FBXW7: variants seen among roughly 807,000 people sequenced by gnomAD.
FBXW7 encodes the protein F-box/WD repeat-containing protein 7.
Under a neutral mutation model 86.3 loss-of-function variants are expected in FBXW7, and 11 were observed. The ratio of observed to expected loss-of-function variants is 0.13; its 90% CI spans 0.08 to 0.21. The LOEUF is 0.21. Ranked by LOEUF, FBXW7 falls within the 10% of genes least tolerant of loss-of-function variation. The pLI is 1.00. For synonymous variants in FBXW7, 313 were observed against 297.9 expected (o/e 1.05, Z -0.52); for missense variants, 488 against 847.4 (o/e 0.58, Z 5.27).
intron 2 of FBXW7, among the ~76,000 whole-genome samples, chr4:152,413,948 T>C (rs1261127410): frequency 6.6e-6 from 1 of 152,128 alleles, no homozygotes; most frequent in Non-Finnish European, 1.5e-5. Flanking sequence ...CAAATACAGT[T>C]GATTCCCATT....
rs200807663 is a variant in FBXW7, at chr4:152,382,324, C to T, written c.501+28979G>A. On this transcript the variant is annotated intron_variant, in intron 4 of 13. Coordinates refer to ENST00000281708, the MANE Select transcript of FBXW7 (RefSeq NM_001349798.2). ...AGCCATGGTTTAGAGTAGGTTTTCC[C>T]GGTTTTGACATTTTAAAACTCCTCT... is the stretch of plus-strand genomic sequence containing the variant. The T allele has an allele frequency of 2.9e-5, 45 of 1,571,876 alleles. No homozygotes were observed. Among genetic ancestry groups the T allele is most frequent in the South Asian group, 8.6e-5 (7 of 81,356 alleles).
chr4:152,340,652 A>C (rs1383873436), intron 6 of FBXW7, among the ~76,000 whole-genome samples: 3 of 151,482 alleles, frequency 2.0e-5, no homozygotes, highest in Admixed American at 6.6e-5. Context: ...GTTTCCACTG[A>C]CTACACATAT....
intron 4 of FBXW7, among the ~76,000 whole-genome samples, chr4:152,377,673 G>T (rs1400546670): frequency 1.3e-5 from 2 of 150,700 alleles, no homozygotes; most frequent in East Asian, 3.9e-4. Context: ...GCTGCGGCAG[G>T]ATAATCGCTT....
chr4:152,472,327 C>CA (rs1448184565), intron 2 of FBXW7, among the ~76,000 whole-genome samples: 3 of 151,866 alleles, frequency 2.0e-5, no homozygotes, highest in Non-Finnish European at 1.5e-5. Flanking sequence ...CATATATGCA[C>CA]AAAAAAATAT....
At chr4:152,353,007 C>G (rs1447633574) in intron 4 of FBXW7, 1 of 1,231,268 alleles carries the variant, frequency 8.1e-7, no homozygotes, top group Non-Finnish European at 1.0e-6. Flanking sequence ...GAGACCGCCC[C>G]CACACGACAG....
chr4:152,517,268 G>C (rs1262605645), intron 2 of FBXW7, among the ~76,000 whole-genome samples: 1 of 151,928 alleles, frequency 6.6e-6, no homozygotes, highest in African/African-American at 2.4e-5. Flanking sequence ...CATTATTGGA[G>C]GCAATCATCC....
chr4:152,329,563 C>CA (rs150608863), intron 10 of FBXW7, 109 bp downstream of exon 10: 7,893 of 541,232 alleles, frequency 0.015, 90 homozygotes, highest in Middle Eastern at 0.025. Flanking sequence ...ATTTGCTATC[C>CA]AAATAACTAA....
At chr4:152,412,303 T>C (rs912662897) in intron 3 of FBXW7, among the ~76,000 whole-genome samples, 177 bp downstream of exon 3, 6 of 152,096 alleles carry the variant, frequency 3.9e-5, no homozygotes, top group East Asian at 3.8e-4. Flanking sequence ...GTAAATCAGA[T>C]TAAAAGGCTT....
chr4:152,388,255 T>G (rs76292294), intron 4 of FBXW7, among the ~76,000 whole-genome samples: 1 of 152,192 alleles, frequency 6.6e-6, no homozygotes, highest in Non-Finnish European at 1.5e-5. Flanking sequence ...CCCTGCTAAT[T>G]TTCTTCATTT....
In FBXW7 at chr4:152,535,350, G is replaced by C. The variant is rs1002978091; in HGVS notation, c.-436C>G. 2 of 366,174 alleles carry C rather than the reference G, an allele frequency of 5.5e-6. No individual in the cohort carries two copies. The highest frequency in any genetic ancestry group is 4.6e-5 in the Admixed American group (1 of 21,600). The allele number at this position is 366,174 out of a possible 1,614,324, so 22.7% of individuals were successfully genotyped here. ...GAACTCCTCCCGGAGTCCAGCCAAG[G>C]AGCCGGGGGGCCGGCGACTGGCCAA... On this transcript the variant is annotated 5_prime_UTR_variant, in exon 1 of 14. Transcript: ENST00000281708.
At chr4:152,354,936 T>G (rs149284385) in intron 4 of FBXW7, among the ~76,000 whole-genome samples, 1 of 152,246 alleles carries the variant, frequency 6.6e-6, no homozygotes, top group East Asian at 1.9e-4. Flanking sequence ...TGTTTATCCT[T>G]TAAGTGAGAA....
At chr4:152,386,570 T>C (rs1735543595) in intron 4 of FBXW7, among the ~76,000 whole-genome samples, 1 of 152,072 alleles carries the variant, frequency 6.6e-6, no homozygotes, top group Non-Finnish European at 1.5e-5. Context: ...TATAATAACT[T>C]TGGAAAAGAA....
chr4:152,485,443 A>G lies in FBXW7; in HGVS notation c.-120+49498T>C, dbSNP rs140438693. Among the ~76,000 whole-genome samples, 24 of 152,310 alleles carry G rather than the reference A, an allele frequency of 1.6e-4. No homozygotes were observed. In the East Asian group the frequency reaches 3.1e-3, roughly 20 times the overall value. ...ATTGCTATAGTAATTCCAATGTTAT[A>G]TCATGTATAAGACAGAGCAAATGAA... On this transcript the variant is annotated intron_variant, in intron 2 of 13. Transcript: ENST00000281708.
chr4:152,525,503 T>G (rs1749424873), intron 2 of FBXW7, among the ~76,000 whole-genome samples: 1 of 152,140 alleles, frequency 6.6e-6, no homozygotes. Flanking sequence ...TTCATTTTGT[T>G]CATAAGTTCT....
At chr4:152,352,868 C>G (rs770582289) in intron 4 of FBXW7, 3 of 1,472,496 alleles carry the variant, frequency 2.0e-6, no homozygotes, top group Non-Finnish European at 2.7e-6. Flanking sequence ...CAGATTACAT[C>G]TTCCCTTGAA....
chr4:152,410,292 G>A (rs1369423516), intron 4 of FBXW7, among the ~76,000 whole-genome samples: 1 of 152,116 alleles, frequency 6.6e-6, no homozygotes, highest in South Asian at 2.1e-4. Flanking sequence ...CAAGACTAGG[G>A]GGGCAAAAGG....
intron 10 of FBXW7, 65 bp from the exon 11 acceptor site, chr4:152,328,454 T>C (rs901015561): frequency 3.6e-6 from 4 of 1,116,992 alleles, no homozygotes; most frequent in Admixed American, 3.0e-5. Context: ...TAAAATTTAA[T>C]AGCTCATTAA....
At chr4:152,479,425 C>T (rs982912534) in intron 2 of FBXW7, among the ~76,000 whole-genome samples, 1 of 152,072 alleles carries the variant, frequency 6.6e-6, no homozygotes, top group East Asian at 1.9e-4. Flanking sequence ...TTATGTATAA[C>T]ATTTGCCTGT....
At chr4:152,384,483 T>C (rs1483008965) in intron 4 of FBXW7, among the ~76,000 whole-genome samples, 1 of 151,998 alleles carries the variant, frequency 6.6e-6, no homozygotes, top group East Asian at 1.9e-4. Flanking sequence ...TAAATTTGCA[T>C]AGATAGAAAA....
Sources: allele counts gnomAD v4.1 joint callset (sites outside exome capture counted in the v4.1 genomes callset), GRCh38; gene constraint gnomAD v4.1.1; transcripts MANE v1.5; gene names NCBI Gene and HGNC (gene_info 2026-07-23, HGNC 2026-07-21).